SYCP1: variants seen among roughly 807,000 people sequenced by gnomAD.
SYCP1 encodes the protein synaptonemal complex protein 1.
A neutral mutation model predicts 153.1 loss-of-function variants in SYCP1; 64 were observed. The ratio of observed to expected loss-of-function variants is 0.42; its 90% confidence interval spans 0.34 to 0.51. The LOEUF is 0.51. Ranked by LOEUF, SYCP1 falls within the 20% of genes least tolerant of loss-of-function variation. SYCP1 has a pLI of 0.06. For synonymous variants in SYCP1, 384 were observed against 341.8 expected, an observed-to-expected ratio of 1.12 and a Z score of -1.36; for missense variants, 997 against 1,049.0, an observed-to-expected ratio of 0.95 and a Z score of 0.68.
chr1:114,856,683 C>G, intron 3 of SYCP1, 26 bp downstream of exon 3: 1 of 1,531,206 alleles, frequency 6.5e-7, no homozygotes, highest in East Asian at 2.3e-5. Flanking sequence ...AGCAGTGTAT[C>G]AGCTTATATA....
intron 23 of SYCP1, among the ~76,000 whole-genome samples, chr1:114,934,454 C>T (rs928191684): frequency 9.8e-5 from 15 of 152,324 alleles, no homozygotes; most frequent in African/African-American, 3.6e-4. Flanking sequence ...ACTGCAAAAA[C>T]ATGCCAAATT....
At chr1:114,977,473 A>G in intron 27 of SYCP1, 84 bp from the exon 28 acceptor site, 1 of 853,562 alleles carries the variant, frequency 1.2e-6, no homozygotes, top group Admixed American at 3.8e-5. Context: ...CTTTGTTAAT[A>G]CTTACTAGGA....
intron 29 of SYCP1, among the ~76,000 whole-genome samples, chr1:114,982,145 C>G (rs891134944): frequency 6.6e-6 from 1 of 151,950 alleles, no homozygotes; most frequent in Non-Finnish European, 1.5e-5. Context: ...CTTTTCCTCT[C>G]CTCAGCTAGA....
chr1:114,955,523 A>G (rs1052721714), intron 27 of SYCP1, among the ~76,000 whole-genome samples: 2 of 152,190 alleles, frequency 1.3e-5, no homozygotes, highest in Non-Finnish European at 2.9e-5. Context: ...CAGTGAAACT[A>G]TCCAGGCTTG....
At chr1:114,870,375 G>A (rs1326667753) in intron 8 of SYCP1, among the ~76,000 whole-genome samples, 1 of 152,148 alleles carries the variant, frequency 6.6e-6, no homozygotes, top group African/African-American at 2.4e-5. Context: ...GAAGTTGGCT[G>A]TGTCTGAAAT....
At chr1:114,913,902 G>A (rs894055361) in intron 19 of SYCP1, 73 bp from the exon 20 acceptor site, 3 of 1,108,400 alleles carry the variant, frequency 2.7e-6, no homozygotes, top group South Asian at 3.4e-5. Flanking sequence ...GATAGATAAA[G>A]GTCTTAAATA....
At chr1:114,930,138 A>T (rs1020364518) in intron 23 of SYCP1, among the ~76,000 whole-genome samples, 1 of 152,058 alleles carries the variant, frequency 6.6e-6, no homozygotes, top group Admixed American at 6.6e-5. Context: ...ATTATTTTAA[A>T]CGGAATGATG....
intron 27 of SYCP1, among the ~76,000 whole-genome samples, chr1:114,954,680 A>G (rs1671326281): frequency 6.6e-6 from 1 of 151,960 alleles, no homozygotes. Context: ...ATCTGGGTTC[A>G]AGAGATTCTC....
chr1:114,858,381 C>T (rs919553611), intron 5 of SYCP1, among the ~76,000 whole-genome samples, 166 bp from the exon 6 acceptor site: 12 of 151,920 alleles, frequency 7.9e-5, no homozygotes, highest in African/African-American at 2.7e-4. Context: ...GTTAATATTG[C>T]CTTAGTAGTT....
chr1:114,958,756 TAAAAA>T (rs754525268), intron 27 of SYCP1, among the ~76,000 whole-genome samples: 1 of 96,552 alleles, frequency 1.0e-5, no homozygotes. Context: ...CTGTCTCTAC[TAAAAA>T]AAAAAAAAAA....
intron 20 of SYCP1, among the ~76,000 whole-genome samples, chr1:114,915,543 G>A (rs1051599677): frequency 4.7e-5 from 7 of 147,774 alleles, no homozygotes; most frequent in African/African-American, 9.7e-5. Flanking sequence ...GGTTGAATCC[G>A]TTAGAAGCCA....
At chr1:114,886,494 G>A (rs1479980133) in intron 14 of SYCP1, among the ~76,000 whole-genome samples, 185 bp downstream of exon 14, 1 of 152,046 alleles carries the variant, frequency 6.6e-6, no homozygotes, top group Non-Finnish European at 1.5e-5. Context: ...GATATCTTAG[G>A]AAAAGATGTA....
intron 27 of SYCP1, among the ~76,000 whole-genome samples, chr1:114,959,249 A>C (rs1026593833): frequency 1.3e-5 from 2 of 152,134 alleles, no homozygotes; most frequent in African/African-American, 4.8e-5. Flanking sequence ...TATTCCATTA[A>C]TATTATGTAT....
chr1:114,886,753 C>T (rs1666335285), intron 14 of SYCP1, among the ~76,000 whole-genome samples: 1 of 151,756 alleles, frequency 6.6e-6, no homozygotes, highest in Non-Finnish European at 1.5e-5. Flanking sequence ...TTAAATTAAC[C>T]AATTAATCAG....
intron 16 of SYCP1, among the ~76,000 whole-genome samples, chr1:114,906,082 C>T (rs1340917032): frequency 6.6e-6 from 1 of 152,050 alleles, no homozygotes; most frequent in African/African-American, 2.4e-5. Flanking sequence ...TCTCCTGCTT[C>T]AGCCTCCTGA....
chr1:114,925,853 G>C (rs531712992), intron 21 of SYCP1, among the ~76,000 whole-genome samples: 1 of 152,046 alleles, frequency 6.6e-6, no homozygotes, highest in Non-Finnish European at 1.5e-5. Context: ...TTTTAACTGA[G>C]AGAAATTATA....
chr1:114,926,434 C>G, intron 22 of SYCP1, 67 bp from the exon 23 acceptor site: 5 of 1,486,636 alleles, frequency 3.4e-6, no homozygotes, highest in East Asian at 2.5e-5. Context: ...TAATTTAAGT[C>G]TAAGTCAGTA....
At chr1:114,868,931 C>G (rs1664937298) in intron 8 of SYCP1, among the ~76,000 whole-genome samples, 1 of 152,134 alleles carries the variant, frequency 6.6e-6, no homozygotes, top group Admixed American at 6.5e-5. Flanking sequence ...TCCTCTCTCT[C>G]TTTTTCTTAG....
chr1:114,993,537 C>A (rs1396248694), intron 30 of SYCP1, among the ~76,000 whole-genome samples: 2 of 151,424 alleles, frequency 1.3e-5, no homozygotes, highest in African/African-American at 2.4e-5. Context: ...TTCTCACTTG[C>A]AAAATGGGGA....
Sources: allele counts gnomAD v4.1 joint callset (sites outside exome capture counted in the v4.1 genomes callset), GRCh38; gene constraint gnomAD v4.1.1; transcripts MANE v1.5; gene names NCBI Gene and HGNC (gene_info 2026-07-23, HGNC 2026-07-21).